ECE1: variants seen among roughly 807,000 people sequenced by gnomAD.
ECE1 encodes the protein endothelin-converting enzyme 1.
In ECE1, 35 loss-of-function variants were observed where a neutral mutation model predicts 98.6. The ratio of observed to expected loss-of-function variants is 0.35; its 90% confidence interval spans 0.27 to 0.47. ECE1 has a LOEUF of 0.47. Ranked by LOEUF, ECE1 falls within the 20% of genes least tolerant of loss-of-function variation. The probability of loss-of-function intolerance (pLI) is 1.00; values close to 1 mark genes in which losing one functional copy is unlikely to be tolerated. For missense variants in ECE1, 814 were observed against 1,025.3 expected (o/e 0.79, Z 2.81); for synonymous variants, 394 against 407.1 (o/e 0.97, Z 0.39).
chr1:21,340,468 C>G lies in ECE1; in HGVS notation c.3+4908G>C, dbSNP rs888594107. 3.3e-5 allele frequency among the ~76,000 whole-genome samples: 5 copies of G among 152,258 alleles called. No homozygotes were observed. The highest frequency in any genetic ancestry group is 7.3e-5 in the Non-Finnish European group (5 of 68,046). The stretch of plus-strand genomic sequence containing the variant: ...TGGTTTCCCAGCCTTCGGCCTCACT[C>G]CTTCTACTCAATCACCACAAAGCAG... On this transcript the variant is annotated intron_variant, in intron 1 of 18. Transcript: ENST00000415912. The surrounding 1 kb of genome is among the most constrained non-coding windows in gnomAD (Gnocchi z 4.6).
chr1:21,244,896 A>C, intron 10 of ECE1, 93 bp downstream of exon 10: 1 of 1,224,394 alleles, frequency 8.2e-7, no homozygotes, highest in Non-Finnish European at 1.2e-6. Context: ...ACCCACCCCC[A>C]GCTGGCTGAG....
At chr1:21,320,131 G>A (rs189459649) in intron 1 of ECE1, among the ~76,000 whole-genome samples, 58 of 152,374 alleles carry the variant, frequency 3.8e-4, no homozygotes, top group African/African-American at 1.3e-3. Flanking sequence ...CCCACGGGCC[G>A]CAGGTTGGAC....
In ECE1 at chr1:21,282,518, C is replaced by T. The variant is rs551984897; in HGVS notation, c.139-3186G>A. ...TGAGAGAATCACTTGAAACTGGGAGCTGGAGGCTGCAATGAGCAGAGATCA... is the reference window on the plus strand; with the variant it reads ...TGAGAGAATCACTTGAAACTGGGAGTTGGAGGCTGCAATGAGCAGAGATCA... On this transcript the variant is annotated intron_variant, in intron 2 of 18. Transcript: ENST00000374893. Among the ~76,000 whole-genome samples the T allele has an allele frequency of 2.7e-5, 4 of 147,036 alleles. No individual in the cohort carries two copies. In the South Asian group the frequency reaches 8.6e-4, roughly 32 times the overall value.
chr1:21,254,622 TGAG>T (rs1433236790), intron 8 of ECE1, among the ~76,000 whole-genome samples: 1 of 152,176 alleles, frequency 6.6e-6, no homozygotes, highest in Non-Finnish European at 1.5e-5. Context: ...GGTAGGGGGC[TGAG>T]GCACTGCGGG....
At chr1:21,332,070 A>G (rs2682352) in intron 1 of ECE1, among the ~76,000 whole-genome samples, 3,054 of 152,272 alleles carry the variant, frequency 0.02, 107 homozygotes, top group African/African-American at 0.067. Flanking sequence ...CACTAAGGGC[A>G]GCCTTACTGC....
Position 21,345,271 on chromosome 1 carries a change from A to G in ECE1, c.3+105T>C. 1 of 1,206,576 alleles carries G rather than the reference A, an allele frequency of 8.3e-7. No homozygotes were observed. Among genetic ancestry groups the G allele is most frequent in the East Asian group, 3.8e-5 (1 of 26,510 alleles). 74.7% of individuals were successfully genotyped at this position (1,206,576 alleles called of 1,614,324 possible). On this transcript the variant is annotated intron_variant, in intron 1 of 18. Coordinates refer to the ECE1 transcript ENST00000415912. This position sits in a 1 kb window ranked among gnomAD's most constrained non-coding sequence, Gnocchi z 5.1. ...GGGGCTGCTGCTGCAGCCGGCGCCCAGCCCCCCGCGAGCCAGGGCGGCCCC... is the reference window on the plus strand; with the variant it reads ...GGGGCTGCTGCTGCAGCCGGCGCCCGGCCCCCCGCGAGCCAGGGCGGCCCC...
chr1:21,252,152 G>A (rs1558388045), intron 8 of ECE1, among the ~76,000 whole-genome samples: 1 of 152,244 alleles, frequency 6.6e-6, no homozygotes, highest in Non-Finnish European at 1.5e-5. Flanking sequence ...ATAAGACGGT[G>A]AGAAATCCCT....
At chr1:21,247,888 G>C (rs1020522966) in intron 8 of ECE1, among the ~76,000 whole-genome samples, 1 of 152,206 alleles carries the variant, frequency 6.6e-6, no homozygotes, top group Non-Finnish European at 1.5e-5. Context: ...TCTTGTCTGA[G>C]AAGTGGGGAT....
intron 1 of ECE1, among the ~76,000 whole-genome samples, chr1:21,337,619 G>C (rs1179586368): frequency 6.6e-6 from 1 of 152,172 alleles, no homozygotes; most frequent in Admixed American, 6.5e-5. Context: ...CATCGTAACA[G>C]TCATGACAAT....
At chr1:21,262,737 G>A (rs372969105) in intron 4 of ECE1, among the ~76,000 whole-genome samples, 67 of 152,360 alleles carry the variant, frequency 4.4e-4, no homozygotes, top group African/African-American at 1.5e-3. Context: ...CCGGGAGGGA[G>A]AAGGAATGCC....
intron 1 of ECE1, among the ~76,000 whole-genome samples, chr1:21,311,509 CAAAAAA>C (rs397979522): frequency 1.3e-5 from 1 of 74,286 alleles, no homozygotes; most frequent in Non-Finnish European, 2.6e-5. Context: ...CCTGTCTCCA[CAAAAAA>C]AAAAAAAAAA....
At chr1:21,238,280 A>T in intron 10 of ECE1, 36 bp from the exon 11 acceptor site, 2 of 1,539,368 alleles carry the variant, frequency 1.3e-6, no homozygotes, top group Non-Finnish European at 1.8e-6. Context: ...GCTGGGCCCC[A>T]GCCCTTTGTT....
intron 4 of ECE1, among the ~76,000 whole-genome samples, chr1:21,267,527 G>A (rs771306079): frequency 2.6e-4 from 40 of 152,262 alleles, no homozygotes; most frequent in Admixed American, 5.2e-4. Context: ...AGCCGCCCCC[G>A]TGATTCAATG....
At chr1:21,242,517 G>A (rs1210600006) in intron 10 of ECE1, among the ~76,000 whole-genome samples, 18 of 152,336 alleles carry the variant, frequency 1.2e-4, no homozygotes, top group Non-Finnish European at 7.3e-5. Context: ...ACAAGGAGGA[G>A]GGACCTGGCC....
At chr1:21,228,821 GAA>G (rs2098177981) in intron 14 of ECE1, among the ~76,000 whole-genome samples, 1 of 148,260 alleles carries the variant, frequency 6.7e-6, no homozygotes, top group African/African-American at 2.5e-5. Context: ...AAAAGATTTT[GAA>G]AAGTCACCAC....
chr1:21,291,191 C>G (rs1311293793), upstream of ECE1, among the ~76,000 whole-genome samples: 1 of 152,178 alleles, frequency 6.6e-6, no homozygotes, highest in Non-Finnish European at 1.5e-5. Context: ...AAAGGGGGCT[C>G]TCTCGGATAT....
chr1:21,255,218 C>G (rs566820351), intron 8 of ECE1, among the ~76,000 whole-genome samples: 2 of 152,326 alleles, frequency 1.3e-5, no homozygotes, highest in East Asian at 3.9e-4. Flanking sequence ...GCGGGAGCCC[C>G]TCCTCAGCAG....
At chr1:21,296,708 A>T (rs994053440) in intron 1 of ECE1, among the ~76,000 whole-genome samples, 1 of 152,194 alleles carries the variant, frequency 6.6e-6, no homozygotes, top group Admixed American at 6.5e-5. Flanking sequence ...AGCTTGCCAG[A>T]GCTGGAGCCC....
intron 1 of ECE1, among the ~76,000 whole-genome samples, chr1:21,325,908 C>T (rs1025070334): frequency 1.3e-5 from 2 of 152,170 alleles, no homozygotes; most frequent in African/African-American, 4.8e-5. Flanking sequence ...CGGCTGCTCT[C>T]CGAAGCTGCC....
Sources: allele counts gnomAD v4.1 joint callset (sites outside exome capture counted in the v4.1 genomes callset), GRCh38; gene constraint gnomAD v4.1.1; non-coding constraint Gnocchi (gnomAD v3.1); transcripts MANE v1.5; gene names NCBI Gene and HGNC (gene_info 2026-07-23, HGNC 2026-07-21).